The following ABHD17B variants were observed in gnomAD, a reference collection of about 807,000 sequenced individuals.
ABHD17B encodes abhydrolase domain containing 17B, depalmitoylase, also known as alpha/beta hydrolase domain-containing protein 17B.
A neutral mutation model predicts 26.2 loss-of-function variants in ABHD17B; 9 were observed. The ratio of observed to expected loss-of-function variants is 0.34; its 90% CI spans 0.21 to 0.60. The LOEUF is 0.60. Among genes scored for constraint, ABHD17B ranks in the 20% least tolerant of loss-of-function variants. The pLI is 0.80. For missense variants in ABHD17B, 224 were observed against 352.1 expected, an observed-to-expected ratio of 0.64 and a Z score of 2.91; for synonymous variants, 127 against 122.3, an observed-to-expected ratio of 1.04 and a Z score of -0.25.
chr9:71,896,983 C>T (rs565425377), intron 1 of ABHD17B, among the ~76,000 whole-genome samples: 5 of 152,006 alleles, frequency 3.3e-5, no homozygotes, highest in Non-Finnish European at 7.4e-5. Context: ...GGTGGGTGCC[C>T]AAGAGGAAGT....
chr9:71,877,805 A>G (rs1437208796), intron 1 of ABHD17B, among the ~76,000 whole-genome samples: 1 of 152,202 alleles, frequency 6.6e-6, no homozygotes, highest in African/African-American at 2.4e-5. Flanking sequence ...GTTTCTGGGG[A>G]TGAACACCAA....
intron 1 of ABHD17B, among the ~76,000 whole-genome samples, chr9:71,909,157 G>A (rs1442158372): frequency 6.6e-6 from 1 of 152,102 alleles, no homozygotes; most frequent in African/African-American, 2.4e-5. Context: ...GCACACTAAG[G>A]GACAAAATTA....
intron 1 of ABHD17B, among the ~76,000 whole-genome samples, chr9:71,876,178 A>G (rs113350630): frequency 4.6e-5 from 7 of 152,346 alleles, no homozygotes; most frequent in African/African-American, 1.7e-4. Context: ...CTAAAGGTAA[A>G]CTTTTCTAAA....
chr9:71,884,951 T>C (rs1256188695), intron 1 of ABHD17B, among the ~76,000 whole-genome samples: 2 of 151,980 alleles, frequency 1.3e-5, no homozygotes, highest in Admixed American at 1.3e-4. Flanking sequence ...ATTACTTAGG[T>C]TTTTCATATG....
intron 1 of ABHD17B, among the ~76,000 whole-genome samples, chr9:71,889,340 G>A (rs1030575335): frequency 6.7e-6 from 1 of 150,222 alleles, no homozygotes; most frequent in Non-Finnish European, 1.5e-5. Context: ...AAATCAAACC[G>A]CATGTTACAC....
intron 1 of ABHD17B, among the ~76,000 whole-genome samples, chr9:71,907,804 C>T (rs1247515559): frequency 2.0e-5 from 3 of 152,090 alleles, no homozygotes; most frequent in Admixed American, 6.6e-5. Flanking sequence ...CGTGAGCCAC[C>T]GAGCCTGGCC....
In ABHD17B at chr9:71,865,223, C is replaced by T; in HGVS notation, c.*1564G>A. 1.0e-6 allele frequency: 1 copy of T among 985,534 alleles called. No homozygotes were observed. The highest frequency in any genetic ancestry group is 1.2e-6 in the Non-Finnish European group (1 of 829,866). 61.0% of individuals were successfully genotyped at this position (985,534 alleles called of 1,614,324 possible). On this transcript the variant is annotated 3_prime_UTR_variant, in exon 4 of 4. Coordinates refer to ENST00000333421, the MANE Select transcript of ABHD17B (RefSeq NM_001025780.3). ...CAAAGCATTCACAATACTTGATATA[C>T]TTTGAAGAGAGTCATATACTATAGT... is the stretch of plus-strand genomic sequence containing the variant.
chr9:71,898,782 G>T (rs1025526425), intron 1 of ABHD17B, among the ~76,000 whole-genome samples: 4 of 152,068 alleles, frequency 2.6e-5, no homozygotes, highest in Non-Finnish European at 5.9e-5. Flanking sequence ...TGGATCACTT[G>T]AGCTCAGGCA....
chr9:71,891,333 C>T (rs1826774804), intron 1 of ABHD17B, among the ~76,000 whole-genome samples: 1 of 152,176 alleles, frequency 6.6e-6, no homozygotes, highest in Admixed American at 6.5e-5. Context: ...TTGTTTTATA[C>T]TTAATGGGTC....
chr9:71,884,260 T>C (rs779067262), intron 1 of ABHD17B, among the ~76,000 whole-genome samples: 45 of 152,266 alleles, frequency 3.0e-4, no homozygotes, highest in Admixed American at 1.4e-3. Context: ...AGCCATTGTG[T>C]TTACCAATGA....
intron 3 of ABHD17B, among the ~76,000 whole-genome samples, chr9:71,869,230 T>G (rs1457935047): frequency 6.6e-6 from 1 of 152,166 alleles, no homozygotes; most frequent in African/African-American, 2.4e-5. Context: ...GATAAGATCA[T>G]GTGTTCACAT....
intron 1 of ABHD17B, among the ~76,000 whole-genome samples, chr9:71,876,619 A>T (rs1826283082): frequency 6.6e-6 from 1 of 152,140 alleles, no homozygotes; most frequent in Admixed American, 6.5e-5. Flanking sequence ...GAAAAAAAAA[A>T]AATCTAAATA....
chr9:71,862,651 A>G (rs201261766), downstream of ABHD17B: 144 of 876,542 alleles, frequency 1.6e-4, no homozygotes, highest in African/African-American at 1.9e-3. Context: ...TGCAGTTTTC[A>G]TAATCTGAGT....
chr9:71,864,992 T>G (rs1390323314), downstream of ABHD17B, among the ~76,000 whole-genome samples: 1 of 152,116 alleles, frequency 6.6e-6, no homozygotes, highest in African/African-American at 2.4e-5. Flanking sequence ...AGAAACTGTA[T>G]AGGTTACAAG....
At chr9:71,899,573 A>G (rs917696512) in intron 1 of ABHD17B, among the ~76,000 whole-genome samples, 4 of 152,342 alleles carry the variant, frequency 2.6e-5, no homozygotes, top group Admixed American at 2.6e-4. Context: ...ATCTTTGACA[A>G]CATTACTTGG....
intron 1 of ABHD17B, among the ~76,000 whole-genome samples, chr9:71,879,811 T>C (rs1826387690): frequency 6.6e-6 from 1 of 152,180 alleles, no homozygotes; most frequent in Non-Finnish European, 1.5e-5. Context: ...TTAGGGACTA[T>C]TATTACACCC....
At chr9:71,863,771 T>C (rs1173375050), downstream of ABHD17B, among the ~76,000 whole-genome samples, 1 of 152,196 alleles carries the variant, frequency 6.6e-6, no homozygotes, top group Non-Finnish European at 1.5e-5. Flanking sequence ...GAGAGCCAGA[T>C]AAAATACATT....
intron 1 of ABHD17B, among the ~76,000 whole-genome samples, chr9:71,878,136 T>TAA (rs112598571): frequency 6.4e-5 from 9 of 139,842 alleles, no homozygotes; most frequent in African/African-American, 1.3e-4. Context: ...TTTTATTCTG[T>TAA]AAAAAAAAAA....
intron 1 of ABHD17B, among the ~76,000 whole-genome samples, chr9:71,889,223 A>T (rs1428106660): frequency 2.6e-5 from 4 of 151,702 alleles, no homozygotes; most frequent in Non-Finnish European, 2.9e-5. Flanking sequence ...AGGCTGAGGC[A>T]GGTGAATCAC....
Sources: gnomAD v4.1 joint callset for allele counts (sites outside exome capture counted in the v4.1 genomes callset) on GRCh38, gnomAD v4.1.1 for gene constraint, MANE v1.5 for transcripts, NCBI Gene and HGNC (gene_info 2026-07-23, HGNC 2026-07-21) for gene names.